Variants in RYR1 observed in about 807,000 individuals in gnomAD.
RYR1 encodes the protein central core disease of muscle.
A neutral mutation model predicts 583.5 loss-of-function variants in RYR1; 342 were observed. That is an observed-to-expected ratio of 0.59 (90% CI 0.54 to 0.64). The LOEUF is 0.64. Ranked by LOEUF, RYR1 falls within the 30% of genes least tolerant of loss-of-function variation. The pLI is 0.00. For missense variants in RYR1, 6,032 were observed against 6,917.2 expected, an observed-to-expected ratio of 0.87 and a Z score of 4.54; for synonymous variants, 2,791 against 2,822.5, an observed-to-expected ratio of 0.99 and a Z score of 0.35.
At chr19:38,448,249 T>A (rs1440638527) in intron 9 of RYR1, 106 bp from the exon 10 acceptor site, 1 of 1,301,428 alleles carries the variant, frequency 7.7e-7, no homozygotes, top group African/African-American at 1.5e-5. Context: ...TTGGGCAACA[T>A]AGCAAGACCT....
Position 38,527,032 on chromosome 19 carries a change from A to C in RYR1, c.10666A>C (p.Asn3556His), listed in dbSNP as rs1203184059. The C allele has an allele frequency of 1.2e-6, 2 of 1,613,804 alleles. No individual in the cohort carries two copies. The highest frequency in any genetic ancestry group is 2.2e-5 in the East Asian group (1 of 44,878). ...DEEVREFLHN[N>H]LHLQGKVEGS... ...GGAGGTCCGGGAATTTCTGCACAACAACCTTCACCTTCAGGGAAAGGTATG... is the reference window on the plus strand; with the variant it reads ...GGAGGTCCGGGAATTTCTGCACAACCACCTTCACCTTCAGGGAAAGGTATG... The change falls in exon 72 of 106, where the codon AAC becomes CAC. Residue 3556 changes from asparagine to histidine, a missense_variant. Asn to His is a moderately conservative substitution (Grantham distance 68). Transcript: ENST00000359596.
intron 89 of RYR1, among the ~76,000 whole-genome samples, chr19:38,552,900 G>C (rs1162232163): frequency 6.6e-6 from 1 of 152,092 alleles, no homozygotes; most frequent in Non-Finnish European, 1.5e-5. Flanking sequence ...CTCCTGACTG[G>C]GGCTGCACAG....
chr19:38,536,692 C>G (rs1971984115), intron 82 of RYR1, 58 bp from the exon 83 acceptor site: 3 of 1,604,824 alleles, frequency 1.9e-6, no homozygotes, highest in Middle Eastern at 1.6e-4. Flanking sequence ...CGGTCTGTCT[C>G]CCTCTCTTTT....
At chr19:38,463,891 G>A in intron 22 of RYR1, 41 bp downstream of exon 22, 1 of 1,472,860 alleles carries the variant, frequency 6.8e-7, no homozygotes, top group South Asian at 1.1e-5. Flanking sequence ...CTGGCTGCTG[G>A]TGCGGTGGGG....
At chr19:38,580,338 G>A in intron 100 of RYR1, 32 bp from the exon 101 acceptor site, 3 of 1,612,884 alleles carry the variant, frequency 1.9e-6, no homozygotes, top group Non-Finnish European at 2.5e-6. Context: ...CAAGCCCAGG[G>A]CGGAGCTGAC....
intron 20 of RYR1, among the ~76,000 whole-genome samples, chr19:38,462,748 C>T (rs1291432394): frequency 1.3e-5 from 2 of 152,222 alleles, no homozygotes; most frequent in Admixed American, 6.5e-5. Context: ...CTGAGCCTCT[C>T]TTCTGGGTCT....
chr19:38,523,091 C>T lies in RYR1; in HGVS notation c.10323C>T (p.Ile3441=). 1.2e-6 allele frequency: 2 copies of T among 1,612,992 alleles called. No individual in the cohort carries two copies. The highest frequency in any genetic ancestry group is 1.7e-6 in the Non-Finnish European group (2 of 1,179,872). ...AEELFRMVGE[I]FIYWSKSHNF... ...AGCTGTTCAGGATGGTGGGCGAGAT[C>T]TTCATCTACTGGTCCAAGTCCCACG... Residue 3441 remains isoleucine (I), a synonymous_variant, in exon 68 of 106, where the codon ATC becomes ATT. Coordinates refer to ENST00000359596, the MANE Select transcript of RYR1 (RefSeq NM_000540.3).
At chr19:38,446,854 T>C in intron 9 of RYR1, 86 bp downstream of exon 9, 1 of 1,077,992 alleles carries the variant, frequency 9.3e-7, no homozygotes, top group Non-Finnish European at 1.4e-6. Context: ...TGAGGGAAGA[T>C]CTGATAAAGA....
chr19:38,525,561 C>T, intron 71 of RYR1, 59 bp downstream of exon 71: 1 of 1,570,672 alleles, frequency 6.4e-7, no homozygotes, highest in Non-Finnish European at 8.7e-7. Flanking sequence ...CCCACTGAAC[C>T]CCTGGGACCT....
In RYR1 at chr19:38,463,843, A is replaced by T. The variant is rs1273315997; in HGVS notation, c.2779A>T (p.Thr927Ser). 6.2e-7 allele frequency: 1 copy of T among 1,613,202 alleles called. No individual in the cohort carries two copies. Among genetic ancestry groups the T allele is most frequent in the East Asian group, 2.2e-5 (1 of 44,836 alleles). The change falls in exon 22 of 106, where the codon ACG becomes TCG. Residue 927 changes from threonine (T) to serine (S), a missense_variant. By Grantham distance (58) the Thr-to-Ser change is moderately conservative. This residue lies in a region of RYR1 where 2,627 missense variants were observed against 2,961.3 expected (regional missense o/e 0.89). Coordinates refer to ENST00000359596, the MANE Select transcript of RYR1 (RefSeq NM_000540.3). ...RNYNLQMSGETLKTLLALGCH... is the reference protein window; with the variant it reads ...RNYNLQMSGESLKTLLALGCH... ...CTACAACCTGCAGATGTCTGGGGAG[A>T]CGCTCAAGTGAGGGCCCAGGGGAGC...
intron 1 of RYR1, among the ~76,000 whole-genome samples, chr19:38,438,108 C>G (rs1036561135): frequency 1.3e-5 from 2 of 151,872 alleles, no homozygotes. Context: ...TGTGCTGTCC[C>G]TCAACACCCC....
chr19:38,519,592 G>T, intron 67 of RYR1, 138 bp downstream of exon 67: 1 of 1,008,114 alleles, frequency 9.9e-7, no homozygotes, highest in Admixed American at 2.1e-5. Context: ...TCTTCCTCCT[G>T]GTTTCTTCTG....
At chr19:38,484,949 C>T (rs925656138) in intron 33 of RYR1, among the ~76,000 whole-genome samples, 5 of 152,052 alleles carry the variant, frequency 3.3e-5, no homozygotes, top group African/African-American at 1.2e-4. Context: ...CTAGCCTGGG[C>T]AACAGAGCAA....
chr19:38,512,109 C>T lies in RYR1; in HGVS notation c.9210C>T (p.Ile3070=), dbSNP rs1970754170. The change falls in exon 62 of 106, where the codon ATC becomes ATT. Residue 3070 remains isoleucine (I), a synonymous_variant. Coordinates refer to ENST00000359596, the MANE Select transcript of RYR1 (RefSeq NM_000540.3). This position sits in a 1 kb window ranked among gnomAD's most constrained non-coding sequence, Gnocchi z 5.1. ...CAGCTGTGGTCAACTGTCTTCACAT[C>T]CTGGCCCGCTCCCTGGATGCCAGGT... ...DAPAVVNCLH[I]LARSLDARTV... 1 of 1,614,086 alleles carries T rather than the reference C, an allele frequency of 6.2e-7. No individual in the cohort carries two copies. Among genetic ancestry groups the T allele is most frequent in the African/African-American group, 1.3e-5 (1 of 74,922 alleles).
chr19:38,470,155 A>G (rs1345476881), intron 27 of RYR1, among the ~76,000 whole-genome samples: 1 of 151,220 alleles, frequency 6.6e-6, no homozygotes, highest in East Asian at 1.9e-4. Flanking sequence ...AAGGAGAGCG[A>G]AACTCCATCT....
In RYR1 at chr19:38,437,567, C is replaced by T. The variant is rs149289173; in HGVS notation, c.46-3178C>T. Among the ~76,000 whole-genome samples the T allele has an allele frequency of 2.7e-4, 41 of 152,170 alleles. 1 individual carries two copies. Among genetic ancestry groups the T allele is most frequent in the African/African-American group, 9.4e-4 (39 of 41,462 alleles). The stretch of plus-strand genomic sequence containing the variant: ...CCATGGCTCACACCTGTAATCCCTT[C>T]GCTTTGGGAGGCTGAAGCAGGACGA... On this transcript the variant is annotated intron_variant, in intron 1 of 105. Transcript: ENST00000359596.
At chr19:38,472,998 A>G (rs1411781231) in intron 27 of RYR1, among the ~76,000 whole-genome samples, 1 of 150,888 alleles carries the variant, frequency 6.6e-6, no homozygotes, top group African/African-American at 2.5e-5. Context: ...CCTGGGCCAC[A>G]GAGCAAGACT....
At chr19:38,503,570 C>G (rs1485964908) in intron 49 of RYR1, among the ~76,000 whole-genome samples, 3 of 152,004 alleles carry the variant, frequency 2.0e-5, no homozygotes, top group Non-Finnish European at 4.4e-5. Context: ...GTCAGGAGTT[C>G]GAGACCAGCC....
rs757849618 is a variant in RYR1, at chr19:38,536,351, C to T, written c.11590+281C>T. ...ATCACTACATGGACCCCACCCTCCA[C>T]GTGCCCCAAATGTCACGCCCTGGTT... On this transcript the variant is annotated intron_variant, in intron 82 of 105. Coordinates refer to ENST00000359596, the MANE Select transcript of RYR1 (RefSeq NM_000540.3). 4.7e-5 allele frequency among the ~76,000 whole-genome samples: 7 copies of T among 149,866 alleles called. 1 individual carries two copies. Among genetic ancestry groups the T allele is most frequent in the South Asian group, 4.3e-4 (2 of 4,670 alleles).
Sources: gnomAD v4.1 joint callset for allele counts (sites outside exome capture counted in the v4.1 genomes callset) on GRCh38, gnomAD v4.1.1 for gene constraint, gnomAD v4.1.1 regional missense constraint, Gnocchi (gnomAD v3.1) non-coding constraint, MANE v1.5 for transcripts, NCBI Gene and HGNC (gene_info 2026-07-23, HGNC 2026-07-21) for gene names.